The following UMAD1 variants were observed in gnomAD, a reference collection of about 807,000 sequenced individuals.
UMAD1 encodes the protein UBAP1-MVB12-associated (UMA)-domain containing protein 1.
Under a neutral mutation model 6.1 loss-of-function variants are expected in UMAD1, and 8 were observed. The ratio of observed to expected loss-of-function variants is 1.30; its 90% CI spans 0.76 to 2.35. The LOEUF is 2.35. UMAD1 is among the 30% of genes most tolerant of loss of function. The pLI is 0.00. For missense variants in UMAD1, 130 were observed against 78.4 expected, an observed-to-expected ratio of 1.66 and a Z score of -2.49; for synonymous variants, 56 against 31.4, an observed-to-expected ratio of 1.78 and a Z score of -2.61.
intron 1 of UMAD1, among the ~76,000 whole-genome samples, chr7:7,649,158 CAAAA>C (rs34943326): frequency 3.1e-4 from 40 of 128,850 alleles, no homozygotes; most frequent in African/African-American, 7.3e-4. Context: ...GACTCCATCT[CAAAA>C]AAAAAAAAAA....
chr7:7,689,477 C>T (rs559909079), intron 2 of UMAD1: 1 of 152,094 alleles, frequency 6.6e-6, no homozygotes, highest in Non-Finnish European at 1.5e-5. Context: ...TAATAAATTC[C>T]CGCATTAAAG....
intron 2 of UMAD1, among the ~76,000 whole-genome samples, chr7:7,685,105 C>G (rs1219436489): frequency 6.6e-6 from 1 of 151,942 alleles, no homozygotes; most frequent in Non-Finnish European, 1.5e-5. Context: ...GGATGAGACT[C>G]TAAGTAAAAT....
At chr7:7,860,402 C>G (rs1784091007) in intron 3 of UMAD1, among the ~76,000 whole-genome samples, 1 of 151,894 alleles carries the variant, frequency 6.6e-6, no homozygotes, top group Non-Finnish European at 1.5e-5. Flanking sequence ...TTCTGTATTC[C>G]TATATTCATC....
At chr7:7,759,865 C>T (rs1014017274) in intron 2 of UMAD1, among the ~76,000 whole-genome samples, 1 of 152,180 alleles carries the variant, frequency 6.6e-6, no homozygotes. Context: ...GGGAGACAGT[C>T]TGCCATATTA....
At chr7:7,745,683 T>C (rs17137125) in intron 2 of UMAD1, among the ~76,000 whole-genome samples, 9,499 of 152,294 alleles carry the variant, frequency 0.062, 391 homozygotes, top group Middle Eastern at 0.13. Flanking sequence ...ATTTATGATA[T>C]TAACTTGCAG....
intron 2 of UMAD1, among the ~76,000 whole-genome samples, chr7:7,801,269 A>G (rs1782793399): frequency 6.6e-6 from 1 of 152,266 alleles, no homozygotes; most frequent in South Asian, 2.1e-4. Flanking sequence ...AAACGCTTAC[A>G]AAGAGTAAGC....
chr7:7,722,915 A>G (rs1350043807), intron 2 of UMAD1, among the ~76,000 whole-genome samples: 2 of 152,204 alleles, frequency 1.3e-5, no homozygotes, highest in East Asian at 1.9e-4. Context: ...CTTTTTTGCC[A>G]GAAGAAACAG....
At chr7:7,765,865 T>G (rs542433741) in intron 2 of UMAD1, among the ~76,000 whole-genome samples, 15 of 152,358 alleles carry the variant, frequency 9.8e-5, no homozygotes, top group Middle Eastern at 6.8e-3. Context: ...TACTCAAAAT[T>G]TTGGAAATAA....
chr7:7,665,840 G>C (rs1414846955), intron 1 of UMAD1, among the ~76,000 whole-genome samples: 2 of 147,852 alleles, frequency 1.4e-5, no homozygotes, highest in Non-Finnish European at 3.0e-5. Flanking sequence ...TTTTTTTTGA[G>C]ATCGTTGCAT....
intron 3 of UMAD1, among the ~76,000 whole-genome samples, chr7:7,872,901 G>C (rs1009311996): frequency 6.6e-6 from 1 of 152,160 alleles, no homozygotes; most frequent in Admixed American, 6.5e-5. Flanking sequence ...GAGATTAAGA[G>C]AGAAAGCAAG....
chr7:7,780,826 T>C (rs1168718908), intron 2 of UMAD1, among the ~76,000 whole-genome samples: 3 of 152,218 alleles, frequency 2.0e-5, no homozygotes, highest in Non-Finnish European at 4.4e-5. Flanking sequence ...TTATATGATA[T>C]TATATTGTGT....
intron 2 of UMAD1, among the ~76,000 whole-genome samples, chr7:7,726,187 A>C (rs563657560): frequency 6.6e-6 from 1 of 152,320 alleles, no homozygotes; most frequent in African/African-American, 2.4e-5. Flanking sequence ...AACTGTGAAG[A>C]TATTTGTATC....
intron 1 of UMAD1, chr7:7,641,442 G>A (rs1784972041): frequency 6.6e-6 from 1 of 152,236 alleles, no homozygotes; most frequent in Non-Finnish European, 1.5e-5. Flanking sequence ...CGAAGGGTTA[G>A]GCGGAATGAT....
rs776388108 is a variant in UMAD1, at chr7:7,830,571, T to G, written c.156+28828T>G. Among the ~76,000 whole-genome samples, 1 of 152,124 alleles carries G rather than the reference T, an allele frequency of 6.6e-6. No homozygotes were observed. Among genetic ancestry groups the G allele is most frequent in the African/African-American group, 2.4e-5 (1 of 41,434 alleles). On this transcript the variant is annotated intron_variant, in intron 3 of 3. Coordinates refer to ENST00000682710, the MANE Select transcript of UMAD1 (RefSeq NM_001302348.2). The surrounding 1 kb of genome is among the most constrained non-coding windows in gnomAD (Gnocchi z 5.3). The stretch of plus-strand genomic sequence containing the variant: ...CTTTGCTCTGGGTGCCCAAAAACTG[T>G]GAGCCAACTTCAAAGTGTGGAAACC...
At chr7:7,714,929 G>A (rs1366175120) in intron 2 of UMAD1, among the ~76,000 whole-genome samples, 3 of 150,160 alleles carry the variant, frequency 2.0e-5, no homozygotes, top group Non-Finnish European at 4.4e-5. Flanking sequence ...AAGCAGAACA[G>A]GGGCACTAGA....
chr7:7,799,748 G>A (rs879545885), intron 2 of UMAD1, among the ~76,000 whole-genome samples: 1 of 152,158 alleles, frequency 6.6e-6, no homozygotes, highest in Non-Finnish European at 1.5e-5. Flanking sequence ...CTCATGCATT[G>A]GTTTTTCCAG....
At chr7:7,846,755 G>A (rs1467563010) in intron 3 of UMAD1, among the ~76,000 whole-genome samples, 5 of 151,598 alleles carry the variant, frequency 3.3e-5, no homozygotes, top group East Asian at 3.9e-4. Flanking sequence ...ATGGAAGTAT[G>A]GAAATTGAGT....
At chr7:7,691,425 A>G (rs964933299) in intron 2 of UMAD1, among the ~76,000 whole-genome samples, 15 of 152,236 alleles carry the variant, frequency 9.9e-5, no homozygotes, top group Non-Finnish European at 2.1e-4. Flanking sequence ...AATTTCATCT[A>G]AAATGATAGT....
In UMAD1 at chr7:7,664,632, T is replaced by C. The variant is rs1416744450; in HGVS notation, c.-63-8677T>C. On this transcript the variant is annotated intron_variant, in intron 1 of 3. Coordinates refer to ENST00000682710, the MANE Select transcript of UMAD1 (RefSeq NM_001302348.2). The stretch of plus-strand genomic sequence containing the variant: ...ATCCTTCCTACAGGAAAGGCCTTCC[T>C]TCTCTTCTTTGTTTATACACATCAG... 2.0e-5 allele frequency among the ~76,000 whole-genome samples: 3 copies of C among 152,344 alleles called. No homozygotes were observed. The East Asian group carries it at 5.8e-4, about 29-fold the overall frequency.
Sources: allele counts gnomAD v4.1 joint callset (sites outside exome capture counted in the v4.1 genomes callset), GRCh38; gene constraint gnomAD v4.1.1; non-coding constraint Gnocchi (gnomAD v3.1); transcripts MANE v1.5; gene names NCBI Gene and HGNC (gene_info 2026-07-23, HGNC 2026-07-21).